PCDHGA10: variants seen among roughly 807,000 people sequenced by gnomAD.
The protein encoded by PCDHGA10 is protocadherin gamma subfamily A, 10.
PCDHGA10 carries 42 observed loss-of-function variants against 59.5 expected under a neutral mutation model. That is an observed-to-expected ratio of 0.71 (90% CI 0.55 to 0.91). The LOEUF is 0.91. Ranked by LOEUF, PCDHGA10 falls within the 40% of genes least tolerant of loss-of-function variation. PCDHGA10 has a pLI of 0.00. For missense variants in PCDHGA10, 1,111 were observed against 1,198.2 expected (o/e 0.93, Z 1.07); for synonymous variants, 511 against 517.2 (o/e 0.99, Z 0.16).
At chr5:141,421,370 A>G (rs765775416) in intron 1 of PCDHGA10, 4 of 1,613,916 alleles carry the variant, frequency 2.5e-6, no homozygotes, top group African/African-American at 1.3e-5. Flanking sequence ...TTCGTGGGCA[A>G]TATCTCCAAG....
chr5:141,486,555 A>T lies in PCDHGA10; in HGVS notation c.2437-8252A>T, dbSNP rs746001345. The T allele has an allele frequency of 6.2e-6, 10 of 1,614,078 alleles. No individual in the cohort carries two copies. Among genetic ancestry groups the T allele is most frequent in the Non-Finnish European group, 7.6e-6 (9 of 1,180,022 alleles). ...CCCTCTTTCTTTCAGAGGTCACATGAGGTGTTTGTTCCTGAGAACAATCGC... is the reference window on the plus strand; with the variant it reads ...CCCTCTTTCTTTCAGAGGTCACATGTGGTGTTTGTTCCTGAGAACAATCGC... On this transcript the variant is annotated intron_variant, in intron 1 of 3. Transcript: ENST00000398610. This position sits in a 1 kb window ranked among gnomAD's most constrained non-coding sequence, Gnocchi z 5.0.
intron 1 of PCDHGA10, among the ~76,000 whole-genome samples, chr5:141,473,191 G>A (rs28479996): frequency 0.019 from 2,957 of 152,242 alleles, 87 homozygotes; most frequent in African/African-American, 0.062. Context: ...AGGAGTAAAT[G>A]TATCTTCTAA....
At chr5:141,484,878 G>C (rs2099602522) in intron 1 of PCDHGA10, 1 of 341,888 alleles carries the variant, frequency 2.9e-6, no homozygotes, top group Non-Finnish European at 5.3e-6. Flanking sequence ...TGGAGGATAG[G>C]GTGGGCTTTT....
intron 1 of PCDHGA10, among the ~76,000 whole-genome samples, chr5:141,452,137 G>A (rs2154563838): frequency 6.6e-6 from 1 of 152,162 alleles, no homozygotes; most frequent in East Asian, 1.9e-4. Flanking sequence ...TGGCTCATGT[G>A]TTTTTTCCAA....
intron 1 of PCDHGA10, chr5:141,418,028 A>C (rs767425160): frequency 1.2e-6 from 2 of 1,613,970 alleles, no homozygotes; most frequent in East Asian, 4.5e-5. Context: ...TCTAGGGCTT[A>C]GTGTCCTGGA....
rs1251686604 is a variant in PCDHGA10 at position 141,485,257 on chromosome 5, T to C, written c.2437-9550T>C. ...TCTTTTACCACCTGGGTTACGTTTG[T>C]GGGCAGATCCGCTACCCGGTCCCAG... is the stretch of plus-strand genomic sequence containing the variant. On this transcript the variant is annotated intron_variant, in intron 1 of 3. Coordinates refer to ENST00000398610, the MANE Select transcript of PCDHGA10 (RefSeq NM_018913.3). This position sits in a 1 kb window ranked among gnomAD's most constrained non-coding sequence, Gnocchi z 5.7. The C allele has an allele frequency of 6.2e-7, 1 of 1,614,154 alleles. No homozygotes were observed.
At position 141,491,894 on chromosome 5, in the gene PCDHGA10, C is replaced by T. The variant is rs1209251388; in HGVS notation, c.2437-2913C>T. The T allele has an allele frequency of 1.5e-5, 22 of 1,434,752 alleles. No individual in the cohort carries two copies. Among genetic ancestry groups the T allele is most frequent in the Admixed American group, 2.9e-5 (1 of 34,278 alleles). 88.9% of individuals were successfully genotyped at this position (1,434,752 alleles called of 1,614,324 possible). The stretch of plus-strand genomic sequence containing the variant: ...GCCGATTAAGGGATGGGGCTCCGAG[C>T]ACCGGGGGTGGTGGCGACTGTGGGC... On this transcript the variant is annotated intron_variant, in intron 1 of 3. Transcript: ENST00000398610. The surrounding 1 kb of genome is among the most constrained non-coding windows in gnomAD (Gnocchi z 6.9).
intron 1 of PCDHGA10, chr5:141,420,309 A>G (rs1263620304): frequency 2.7e-6 from 4 of 1,460,536 alleles, no homozygotes; most frequent in Non-Finnish European, 3.7e-6. Context: ...TCCTTTTTAT[A>G]TTACAATATG....
intron 1 of PCDHGA10, chr5:141,428,153 CT>C (rs2097116745): frequency 6.3e-7 from 1 of 1,581,370 alleles, no homozygotes; most frequent in Admixed American, 1.7e-5. Flanking sequence ...ACACGGGAAC[CT>C]GCTGGTTGCT....
chr5:141,433,742 C>T lies in PCDHGA10; in HGVS notation c.2436+18131C>T, dbSNP rs927651405. 2.6e-5 allele frequency among the ~76,000 whole-genome samples: 4 copies of T among 150,944 alleles called. No homozygotes were observed. The East Asian group carries it at 7.9e-4, about 30-fold the overall frequency. On this transcript the variant is annotated intron_variant, in intron 1 of 3. Coordinates refer to ENST00000398610, the MANE Select transcript of PCDHGA10 (RefSeq NM_018913.3). Reference sequence around the variant, plus strand: ...ATCCCAGCTACTTGGGAGGCTGAGTCAGGAGAATTGCTTTAACCTGGGAGG... The same window carrying T: ...ATCCCAGCTACTTGGGAGGCTGAGTTAGGAGAATTGCTTTAACCTGGGAGG...
chr5:141,505,078 C>G (rs535590642), intron 2 of PCDHGA10, among the ~76,000 whole-genome samples: 81 of 152,298 alleles, frequency 5.3e-4, no homozygotes, highest in African/African-American at 2.0e-3. Flanking sequence ...AGGAGAATCG[C>G]TTGAACCCAG....
At position 141,415,135 on chromosome 5, in the gene PCDHGA10, G is replaced by A. The variant is rs1224251849; in HGVS notation, c.1960G>A (p.Gly654Ser). ...QSLVVAVQDH[G>S]QPPLSATVTL... ...CCTCGTAGTGGCCGTCCAGGACCACGGCCAGCCCCCTCTCTCCGCCACTGT... is the reference window on the plus strand; with the variant it reads ...CCTCGTAGTGGCCGTCCAGGACCACAGCCAGCCCCCTCTCTCCGCCACTGT... Residue 654 changes from glycine to serine, a missense_variant, in exon 1 of 4, where the codon GGC (glycine) becomes AGC (serine). Coordinates refer to ENST00000398610, the MANE Select transcript of PCDHGA10 (RefSeq NM_018913.3). The A allele has an allele frequency of 4.3e-6, 7 of 1,613,666 alleles. No individual in the cohort carries two copies. Among genetic ancestry groups the A allele is most frequent in the East Asian group, 2.2e-5 (1 of 44,882 alleles).
chr5:141,417,627 G>C, intron 1 of PCDHGA10: 1 of 694,264 alleles, frequency 1.4e-6, no homozygotes, highest in Non-Finnish European at 2.3e-6. Flanking sequence ...AGCAAGCGCT[G>C]ACGCCGGGGA....
At chr5:141,450,742 C>A (rs2098692216) in intron 1 of PCDHGA10, among the ~76,000 whole-genome samples, 1 of 152,118 alleles carries the variant, frequency 6.6e-6, no homozygotes, top group South Asian at 2.1e-4. Context: ...CCGCCTTGGC[C>A]TCCCAAAGTG....
chr5:141,464,377 T>A (rs1410334231), intron 1 of PCDHGA10, among the ~76,000 whole-genome samples: 3 of 151,486 alleles, frequency 2.0e-5, no homozygotes, highest in Admixed American at 2.0e-4. Flanking sequence ...TTTTGCAATA[T>A]AAAAAATGCT....
In PCDHGA10 at chr5:141,433,401, A is replaced by ATCTC. The variant is rs1554126038; in HGVS notation, c.2436+17793_2436+17794insCTCT. On this transcript the variant is annotated intron_variant, in intron 1 of 3. Transcript: ENST00000398610. ...TATCTATCTATCTATCTATCTATCT[A>ATCTC]TCTATTACTTTCTTGTACAGACAGG... Among the ~76,000 whole-genome samples, 677 of 150,598 alleles carry ATCTC rather than the reference A, an allele frequency of 4.5e-3. 6 individuals are homozygous for ATCTC. Among genetic ancestry groups the ATCTC allele is most frequent in the African/African-American group, 0.015 (630 of 40,958 alleles).
chr5:141,428,297 T>G (rs2097131311), intron 1 of PCDHGA10: 5 of 712,160 alleles, frequency 7.0e-6, no homozygotes, highest in Non-Finnish European at 1.2e-5. Flanking sequence ...AAGCTGCAGA[T>G]TTACCTGGTC....
chr5:141,438,579 CATACATACATACATAT>C (rs1360889040), intron 1 of PCDHGA10, among the ~76,000 whole-genome samples: 18 of 55,776 alleles, frequency 3.2e-4, no homozygotes, highest in Non-Finnish European at 5.1e-4. Context: ...GATATACATA[CATACATACATACATAT>C]ATATATATAT....
At chr5:141,456,819 C>A (rs1453433865) in intron 1 of PCDHGA10, among the ~76,000 whole-genome samples, 1 of 151,982 alleles carries the variant, frequency 6.6e-6, no homozygotes, top group Non-Finnish European at 1.5e-5. Flanking sequence ...AAAAAATTAG[C>A]CATCGTGGTA....
Sources: gnomAD v4.1 joint callset for allele counts (sites outside exome capture counted in the v4.1 genomes callset) on GRCh38, gnomAD v4.1.1 for gene constraint, Gnocchi (gnomAD v3.1) non-coding constraint, MANE v1.5 for transcripts, NCBI Gene and HGNC (gene_info 2026-07-23, HGNC 2026-07-21) for gene names.